Variants in NOTCH3 observed in about 807,000 individuals in gnomAD.
The protein encoded by NOTCH3 is neurogenic locus notch homolog protein 3.
NOTCH3 carries 86 observed loss-of-function variants against 213.3 expected under a neutral mutation model. That is an observed-to-expected ratio of 0.40 (90% CI 0.34 to 0.48). NOTCH3 has a LOEUF of 0.48. NOTCH3 is among the 20% of genes least tolerant of loss of function. NOTCH3 has a pLI of 0.57. For synonymous variants in NOTCH3, 1,354 were observed against 1,355.9 expected, an observed-to-expected ratio of 1.00 and a Z score of 0.03; for missense variants, 2,783 against 3,272.6, an observed-to-expected ratio of 0.85 and a Z score of 3.65.
At chr19:15,197,077 C>T (rs1210960538) in intron 2 of NOTCH3, among the ~76,000 whole-genome samples, 2 of 152,234 alleles carry the variant, frequency 1.3e-5, no homozygotes, top group Non-Finnish European at 2.9e-5. Flanking sequence ...CCTATGTCCC[C>T]CTCCACTAAA....
rs2046841184 is a variant in NOTCH3, at chr19:15,181,513, T to TCCCAGG, written c.2792+57_2792+62dup. On this transcript the variant is annotated intron_variant, in intron 17 of 32. Transcript: ENST00000263388. ...CCAAGTCGTTGCTGTCCCCACTTCG[T>TCCCAGG]CCCAGGTCCCAGGCCCCATCCCAAG... is the stretch of plus-strand genomic sequence containing the variant. 2.9e-6 allele frequency: 4 copies of TCCCAGG among 1,397,614 alleles called. No homozygotes were observed. The African/African-American group carries it at 4.3e-5, about 15-fold the overall frequency. The allele number at this position is 1,397,614 out of a possible 1,614,324, so 86.6% of individuals were successfully genotyped here. A position where few individuals can be genotyped will look rare whatever the true frequency, so the allele number is the denominator to read the frequency against.
chr19:15,173,104 CTTTT>C (rs1162467192), intron 25 of NOTCH3, among the ~76,000 whole-genome samples: 6 of 19,244 alleles, frequency 3.1e-4, no homozygotes, highest in South Asian at 2.1e-3. Context: ...TCTTCTTCTT[CTTTT>C]TTTTTTTTTT....
In NOTCH3 at chr19:15,191,957, C is replaced by A. The variant is rs376091069; in HGVS notation, c.679+3G>T. ...CTGACTCTCCTGAGTAGGGCTCACT[C>A]ACCAGGAAGACAGGCACAGTCGTAA... On this transcript the variant is annotated splice_donor_region_variant and intron_variant, in intron 4 of 32. Transcript: ENST00000263388. 1.9e-6 allele frequency: 3 copies of A among 1,613,448 alleles called. No homozygotes were observed. In the African/African-American group the frequency reaches 4.0e-5, roughly 22 times the overall value.
intron 16 of NOTCH3, 104 bp downstream of exon 16, chr19:15,184,191 A>G: frequency 8.4e-7 from 1 of 1,196,722 alleles, no homozygotes; most frequent in Non-Finnish European, 1.2e-6. Flanking sequence ...GGGAAAAGTA[A>G]GATAACTGTG....
intron 2 of NOTCH3, among the ~76,000 whole-genome samples, chr19:15,193,555 C>T (rs1466131522): frequency 1.3e-5 from 2 of 151,876 alleles, no homozygotes; most frequent in African/African-American, 4.8e-5. Context: ...TCACTTCAAG[C>T]CAGAAGTTCA....
chr19:15,197,581 G>C lies in NOTCH3; in HGVS notation c.119-3C>G. 6.2e-7 allele frequency: 1 copy of C among 1,611,266 alleles called. No homozygotes were observed. Among genetic ancestry groups the C allele is most frequent in the Non-Finnish European group, 8.5e-7 (1 of 1,179,630 alleles). On this transcript the variant is annotated splice_region_variant and splice_polypyrimidine_tract_variant and intron_variant, in intron 1 of 32. Transcript: ENST00000263388. ...GCTTCCGTCCAGGCAAGGGGGGGCT[G>C]TGTGGGGGTGAAGGAAGGTGGAGGA...
intron 24 of NOTCH3, 76 bp from the exon 25 acceptor site, chr19:15,174,476 C>G (rs772877484): frequency 1.8e-6 from 2 of 1,083,808 alleles, no homozygotes; most frequent in South Asian, 1.6e-5. Flanking sequence ...GCATTCACAC[C>G]GTAGAGTACA....
intron 10 of NOTCH3, 124 bp downstream of exon 10, chr19:15,187,757 C>A: frequency 1.3e-6 from 1 of 787,400 alleles, no homozygotes; most frequent in Non-Finnish European, 2.2e-6. Context: ...CACCCCCCAA[C>A]TCTGTCACTG....
chr19:15,184,204 G>A (rs548824881), intron 16 of NOTCH3, 91 bp downstream of exon 16: 1 of 1,291,638 alleles, frequency 7.7e-7, no homozygotes, highest in South Asian at 1.2e-5. Flanking sequence ...TAACTGTGAA[G>A]ATGAAATGAC....
chr19:15,161,956 C>T (rs961449846), intron 32 of NOTCH3, among the ~76,000 whole-genome samples: 2 of 149,902 alleles, frequency 1.3e-5, no homozygotes, highest in African/African-American at 4.9e-5. Flanking sequence ...AGGTACTCAC[C>T]TTAGGCATAA....
chr19:15,181,880 A>C, intron 16 of NOTCH3, 79 bp from the exon 17 acceptor site: 1 of 1,246,528 alleles, frequency 8.0e-7, no homozygotes, highest in Non-Finnish European at 1.1e-6. Flanking sequence ...CCTTGGATTG[A>C]GAAGAATTCA....
At chr19:15,197,441 G>GCCCCGCCC in intron 2 of NOTCH3, 59 bp downstream of exon 2, 12 of 768,340 alleles carry the variant, frequency 1.6e-5, no homozygotes, top group East Asian at 2.7e-5. Flanking sequence ...AAGACAAATC[G>GCCCCGCCC]CCCCTCCCCC....
chr19:15,188,927 C>G, intron 8 of NOTCH3, 62 bp downstream of exon 8: 1 of 1,518,802 alleles, frequency 6.6e-7, no homozygotes, highest in Non-Finnish European at 8.9e-7. Context: ...GCTCCCCATC[C>G]GCGGGCTTCT....
At position 15,192,181 on chromosome 19, in the gene NOTCH3, CG is replaced by C; in HGVS notation, c.457del (p.Arg153AlafsTer83). 1 of 1,612,516 alleles carries C rather than the reference CG, an allele frequency of 6.2e-7. No homozygotes were observed. Among genetic ancestry groups the C allele is most frequent in the East Asian group, 2.2e-5 (1 of 44,854 alleles). Reference protein sequence around the residue: ...LCSCPPGYQGRSCRSDVDECR... With the variant: ...LCSCPPGYQGXSCRSDVDECR... ...CTCATCCACGTCGCTTCGGCAGCTG[CG>C]GCCCTGGTAGCCAGGTGGGCAGGAG... is the stretch of plus-strand genomic sequence containing the variant. On this transcript the variant is annotated frameshift_variant, in exon 4 of 33. Transcript: ENST00000263388. LOFTEE classifies it high-confidence loss of function.
chr19:15,179,987 C>T, intron 20 of NOTCH3, 85 bp downstream of exon 20: 1 of 911,576 alleles, frequency 1.1e-6, no homozygotes, highest in Non-Finnish European at 1.8e-6. Context: ...GAGACATACC[C>T]ATACCAAGCC....
At position 15,188,376 on chromosome 19, in the gene NOTCH3, G is replaced by C. The variant is rs1403100754; in HGVS notation, c.1379-28C>G. 3.5e-6 allele frequency: 5 copies of C among 1,443,012 alleles called. No homozygotes were observed. In the East Asian group the frequency reaches 1.2e-4, roughly 33 times the overall value. The allele number at this position is 1,443,012 out of a possible 1,614,324, so 89.4% of individuals were successfully genotyped here. ...GGGGCAGGGAATAGGGCTTAGGAAA[G>C]CGGGGGCTACCCTATGGTGTGAACG... On this transcript the variant is annotated intron_variant, in intron 8 of 32. Coordinates refer to ENST00000263388, the MANE Select transcript of NOTCH3 (RefSeq NM_000435.3).
At chr19:15,188,154 G>T in intron 9 of NOTCH3, 81 bp downstream of exon 9, 1 of 1,120,408 alleles carries the variant, frequency 8.9e-7, no homozygotes, top group Non-Finnish European at 1.3e-6. Flanking sequence ...ATCCGCTAAC[G>T]TGGTTTTACA....
chr19:15,171,171 G>A (rs1378047106), intron 25 of NOTCH3, among the ~76,000 whole-genome samples: 8 of 152,016 alleles, frequency 5.3e-5, no homozygotes, highest in East Asian at 2.0e-4. Context: ...GATTACAGGC[G>A]TGTGCCACCA....
Position 15,167,339 on chromosome 19 carries a change from C to T in NOTCH3, c.5272G>A (p.Ala1758Thr), listed in dbSNP as rs746552880. Reference protein sequence around the residue: ...RQWTQHHLVAADIRVAPAMAL... With the variant: ...RQWTQHHLVATDIRVAPAMAL... Reference sequence around the variant, plus strand: ...ATGGCTGGTGCCACGCGGATGTCAGCAGCAACCAGATGGTGTTGAGTCCAC... The same window carrying T: ...ATGGCTGGTGCCACGCGGATGTCAGTAGCAACCAGATGGTGTTGAGTCCAC... The change falls in exon 29 of 33, where the codon GCT (alanine) becomes ACT (threonine). Residue 1758 changes from alanine to threonine, a missense_variant. Physicochemically the swap from Ala to Thr is moderately conservative, Grantham distance 58. Around this residue, in one of 6 missense-constraint regions of NOTCH3, gnomAD observed 636 missense variants for 801.8 expected, o/e 0.79. Coordinates refer to ENST00000263388, the MANE Select transcript of NOTCH3 (RefSeq NM_000435.3). 6.2e-7 allele frequency: 1 copy of T among 1,612,948 alleles called. No homozygotes were observed. The highest frequency in any genetic ancestry group is 8.5e-7 in the Non-Finnish European group (1 of 1,180,022).
Sources: gnomAD v4.1 joint callset for allele counts (sites outside exome capture counted in the v4.1 genomes callset) on GRCh38, gnomAD v4.1.1 for gene constraint, gnomAD v4.1.1 regional missense constraint, MANE v1.5 for transcripts, NCBI Gene and HGNC (gene_info 2026-07-23, HGNC 2026-07-21) for gene names.